Variants in SLC25A16 observed in about 807,000 individuals in gnomAD.
SLC25A16 encodes solute carrier family 25 member 16, also known as mitochondrial coenzyme A transporter SLC25A16.
Under a neutral mutation model 41.5 loss-of-function variants are expected in SLC25A16, and 39 were observed. The observed-to-expected ratio is 0.94, with a 90% confidence interval of 0.73 to 1.23. The LOEUF (loss-of-function observed/expected upper bound fraction) is 1.23, where lower values mean the gene tolerates loss of function less well. Ranked by LOEUF, SLC25A16 falls within the 50% of genes most tolerant of loss-of-function variation. The pLI is 0.00. For missense variants in SLC25A16, 421 were observed against 426.9 expected, an observed-to-expected ratio of 0.99 and a Z score of 0.12; for synonymous variants, 146 against 147.8, an observed-to-expected ratio of 0.99 and a Z score of 0.09.
intron 1 of SLC25A16, among the ~76,000 whole-genome samples, chr10:68,520,324 G>T (rs958486917): frequency 6.6e-6 from 1 of 151,986 alleles, no homozygotes; most frequent in Admixed American, 6.6e-5. Context: ...TTCACTTTCT[G>T]CAGTTTTAGT....
intron 2 of SLC25A16, among the ~76,000 whole-genome samples, chr10:68,513,963 A>G (rs1434547894): frequency 6.6e-6 from 1 of 152,152 alleles, no homozygotes; most frequent in African/African-American, 2.4e-5. Flanking sequence ...TTGGGAGACC[A>G]AGACAGGCAG....
intron 4 of SLC25A16, among the ~76,000 whole-genome samples, chr10:68,494,853 C>CGGG (rs1167524228): frequency 6.8e-6 from 1 of 146,772 alleles, no homozygotes; most frequent in Non-Finnish European, 1.5e-5. Context: ...CACTCCAGCC[C>CGGG]GGGCGACAAG....
Position 68,478,432 on chromosome 10 carries a change from G to A in SLC25A16, c.*5000C>T, listed in dbSNP as rs1455859607. 6.6e-6 allele frequency: 1 copy of A among 152,148 alleles called. No homozygotes were observed. Among genetic ancestry groups the A allele is most frequent in the African/African-American group, 2.4e-5 (1 of 41,424 alleles). The allele number at this position is 152,148 out of a possible 1,614,324, so 9.4% of individuals were successfully genotyped here. ...TAAAGTGTATGCTTGCTATACAAGT[G>A]TGTCAGGTATTATTGATCCAACTCT... On this transcript the variant is annotated 3_prime_UTR_variant, in exon 9 of 9. Transcript: ENST00000609923.
intron 2 of SLC25A16, among the ~76,000 whole-genome samples, chr10:68,512,005 C>T (rs538148931): frequency 7.2e-5 from 11 of 152,132 alleles, no homozygotes; most frequent in African/African-American, 2.2e-4. Flanking sequence ...TACAGGTGTG[C>T]GCCACCAAGC....
At chr10:68,493,593 G>A (rs41278516) in intron 4 of SLC25A16, 23 bp from the exon 5 acceptor site, 78,722 of 1,589,102 alleles carry the variant, frequency 0.05, 2,549 homozygotes, top group African/African-American at 0.14. Flanking sequence ...TAGAAATTTA[G>A]AGGTACAATG....
At chr10:68,521,026 C>T (rs866633369) in intron 1 of SLC25A16, among the ~76,000 whole-genome samples, 3 of 151,650 alleles carry the variant, frequency 2.0e-5, no homozygotes, top group Non-Finnish European at 2.9e-5. Context: ...CCCAGCTACT[C>T]GGGAGGCTGA....
At chr10:68,496,139 T>C (rs994854452) in intron 4 of SLC25A16, among the ~76,000 whole-genome samples, 1 of 152,198 alleles carries the variant, frequency 6.6e-6, no homozygotes, top group African/African-American at 2.4e-5. Flanking sequence ...GCCCCCCATC[T>C]GTCTCCTGCA....
At chr10:68,522,544 G>A (rs371316339) in intron 1 of SLC25A16, among the ~76,000 whole-genome samples, 3 of 151,854 alleles carry the variant, frequency 2.0e-5, no homozygotes, top group East Asian at 1.9e-4. Context: ...GGCCAGGCAC[G>A]GTGGCTCATG....
intron 6 of SLC25A16, 52 bp from the exon 7 acceptor site, chr10:68,488,681 GA>G (rs757015534): frequency 1.5e-6 from 2 of 1,376,848 alleles, no homozygotes. Context: ...CATGAGCTGT[GA>G]AAAAGACACC....
rs754201998 is a variant in SLC25A16 at position 68,488,450 on chromosome 10, T to A, written c.773+17A>T. 9 of 1,464,080 alleles carry A rather than the reference T, an allele frequency of 6.1e-6. No individual in the cohort carries two copies. The allele number at this position is 1,464,080 out of a possible 1,614,324, so 90.7% of individuals were successfully genotyped here. ...GTAACTATAATTTGATTAAATTAAG[T>A]TAGTGAAGAAACTTACGATATTGTC... On this transcript the variant is annotated intron_variant, in intron 7 of 8. Transcript: ENST00000609923.
rs563734900 is a variant in SLC25A16, at chr10:68,490,839, G to A, written c.611-2210C>T. Among the ~76,000 whole-genome samples, 14 of 151,732 alleles carry A rather than the reference G, an allele frequency of 9.2e-5. No individual in the cohort carries two copies. The South Asian group carries it at 1.2e-3, about 14-fold the overall frequency. ...CATAAAAGAATAGATTGATGCATTC[G>A]ACTACCTTAAAATTTGAATTTCTTA... is the stretch of plus-strand genomic sequence containing the variant. On this transcript the variant is annotated intron_variant, in intron 6 of 8. Transcript: ENST00000609923.
intron 4 of SLC25A16, among the ~76,000 whole-genome samples, chr10:68,496,270 C>T (rs1277462849): frequency 6.6e-6 from 1 of 152,154 alleles, no homozygotes; most frequent in Admixed American, 6.6e-5. Context: ...ACATCCATAA[C>T]AATCATTCAG....
intron 8 of SLC25A16, among the ~76,000 whole-genome samples, chr10:68,486,226 C>CAAAAA (rs1333581796): frequency 7.3e-5 from 4 of 54,758 alleles, no homozygotes; most frequent in African/African-American, 1.3e-4. Context: ...CTCAAAAAAA[C>CAAAAA]AAAACAAAAA....
At chr10:68,515,376 A>C (rs1235496855) in intron 2 of SLC25A16, among the ~76,000 whole-genome samples, 3 of 151,656 alleles carry the variant, frequency 2.0e-5, no homozygotes, top group African/African-American at 2.4e-5. Flanking sequence ...AAAAAAAAAA[A>C]AAAAGCAAGC....
rs538225379 is a variant in SLC25A16, at chr10:68,508,190, T to C, written c.224-1472A>G. Among the ~76,000 whole-genome samples, 34 of 151,402 alleles carry C rather than the reference T, an allele frequency of 2.2e-4. 1 individual carries two copies. Among genetic ancestry groups the C allele is most frequent in the African/African-American group, 7.5e-4 (31 of 41,286 alleles). On this transcript the variant is annotated intron_variant, in intron 2 of 8. Coordinates refer to ENST00000609923, the MANE Select transcript of SLC25A16 (RefSeq NM_152707.4). ...TTGCACCACTACACTCCAGCCTGGG[T>C]GATAGAGTGAGACTCCATCTCAAAA...
chr10:68,493,412 G>A (rs1460019483), intron 5 of SLC25A16, 37 bp downstream of exon 5: 1 of 1,566,770 alleles, frequency 6.4e-7, no homozygotes, highest in East Asian at 2.2e-5. Context: ...AAGTATAAAA[G>A]GGCATGTTAT....
chr10:68,527,423 C>A lies in SLC25A16; in HGVS notation c.-48G>T. On this transcript the variant is annotated 5_prime_UTR_variant, in exon 1 of 9. Coordinates refer to ENST00000609923, the MANE Select transcript of SLC25A16 (RefSeq NM_152707.4). ...GCCTAGGTTGCCAACTTACAGAACA[C>A]CGGACGGGACCATAGCCGGAACAGG... 5 of 1,421,580 alleles carry A rather than the reference C, an allele frequency of 3.5e-6. No homozygotes were observed. Among genetic ancestry groups the A allele is most frequent in the Non-Finnish European group, 4.6e-6 (5 of 1,096,918 alleles). 88.1% of individuals were successfully genotyped at this position (1,421,580 alleles called of 1,614,324 possible). A position where few individuals can be genotyped will look rare whatever the true frequency, so the allele number is the denominator to read the frequency against.
At chr10:68,487,001 G>A (rs1049696888) in intron 8 of SLC25A16, 143 bp downstream of exon 8, 1 of 323,518 alleles carries the variant, frequency 3.1e-6, no homozygotes, top group Non-Finnish European at 5.9e-6. Context: ...TTGCCTGATT[G>A]TAATCTTATA....
In SLC25A16 at chr10:68,493,187, GA is replaced by G; in HGVS notation, c.554del (p.Phe185SerfsTer8). The G allele has an allele frequency of 6.3e-7, 1 of 1,593,912 alleles. No individual in the cohort carries two copies. Among genetic ancestry groups the G allele is most frequent in the Non-Finnish European group, 8.5e-7 (1 of 1,172,028 alleles). ...GCATCAGACCTCTGTAAAATCCAAA[GA>G]AACCACCTTCCTTTTGAGTGAAGGA... ...FKTIYAKEGG[F>X]FGFYRGLMPT... is the part of the protein sequence containing the mutation. On this transcript the variant is annotated frameshift_variant, in exon 6 of 9. Coordinates refer to ENST00000609923, the MANE Select transcript of SLC25A16 (RefSeq NM_152707.4). LOFTEE classifies it high-confidence loss of function.
Sources: allele counts gnomAD v4.1 joint callset (sites outside exome capture counted in the v4.1 genomes callset), GRCh38; gene constraint gnomAD v4.1.1; transcripts MANE v1.5; gene names NCBI Gene and HGNC (gene_info 2026-07-23, HGNC 2026-07-21).